The following GADL1 variants were observed in gnomAD, a reference collection of about 807,000 sequenced individuals.
GADL1 encodes acidic amino acid decarboxylase GADL1.
Under a neutral mutation model 69.5 loss-of-function variants are expected in GADL1, and 71 were observed. The observed-to-expected ratio is 1.02, with a 90% CI of 0.84 to 1.25. The LOEUF (loss-of-function observed/expected upper bound fraction) is 1.25. GADL1 is among the 50% of genes most tolerant of loss of function. GADL1 has a pLI of 0.00. For missense variants in GADL1, 737 were observed against 631.8 expected, an observed-to-expected ratio of 1.17 and a Z score of -1.79; for synonymous variants, 254 against 214.4, an observed-to-expected ratio of 1.18 and a Z score of -1.62.
intron 12 of GADL1, 48 bp from the exon 13 acceptor site, chr3:30,786,454 G>A: frequency 1.0e-6 from 1 of 974,980 alleles, no homozygotes; most frequent in Non-Finnish European, 1.7e-6. Context: ...ATGTAAAAGT[G>A]TCATGAACAT....
At chr3:30,839,183 A>G (rs932294309) in intron 8 of GADL1, 70 bp from the exon 9 acceptor site, 11 of 984,600 alleles carry the variant, frequency 1.1e-5, no homozygotes, top group African/African-American at 1.7e-5. Context: ...TAGCTGGAAA[A>G]TATAAAGGGT....
chr3:30,754,449 A>AT (rs2125480331), intron 14 of GADL1, among the ~76,000 whole-genome samples: 1 of 152,202 alleles, frequency 6.6e-6, no homozygotes, highest in East Asian at 1.9e-4. Flanking sequence ...GATATAGAAA[A>AT]AAGCCTCATA....
intron 11 of GADL1, 29 bp from the exon 12 acceptor site, chr3:30,801,117 T>G: frequency 6.5e-7 from 1 of 1,539,364 alleles, no homozygotes; most frequent in Non-Finnish European, 9.0e-7. Context: ...TACAAGACTG[T>G]TAAACTTTAG....
intron 12 of GADL1, among the ~76,000 whole-genome samples, chr3:30,793,510 C>T (rs1175237257): frequency 6.6e-6 from 1 of 152,102 alleles, no homozygotes; most frequent in East Asian, 1.9e-4. Context: ...GCAGTAATAA[C>T]TTCATGAAAC....
chr3:30,851,185 A>G (rs1461358407), intron 4 of GADL1, among the ~76,000 whole-genome samples: 1 of 151,882 alleles, frequency 6.6e-6, no homozygotes, highest in Non-Finnish European at 1.5e-5. Flanking sequence ...TTCGAGAAAA[A>G]CCTCAATTCC....
intron 1 of GADL1, among the ~76,000 whole-genome samples, chr3:30,882,719 T>C (rs1357886860): frequency 6.6e-6 from 1 of 151,998 alleles, no homozygotes; most frequent in Middle Eastern, 3.2e-3. Context: ...TATTTCTATT[T>C]TTTGATTTTT....
At chr3:30,883,084 T>C (rs1698662991) in intron 1 of GADL1, among the ~76,000 whole-genome samples, 1 of 152,006 alleles carries the variant, frequency 6.6e-6, no homozygotes, top group Non-Finnish European at 1.5e-5. Flanking sequence ...GAGAATATTT[T>C]CTCTCATCCC....
rs1192800226 is a variant in GADL1, at chr3:30,785,445, C to T, written c.1302+910G>A. 4.7e-5 allele frequency among the ~76,000 whole-genome samples: 7 copies of T among 149,488 alleles called. No homozygotes were observed. The South Asian group carries it at 8.5e-4, about 18-fold the overall frequency. On this transcript the variant is annotated intron_variant, in intron 13 of 14. Transcript: ENST00000282538. ...TGTTGCCCAGGCTGGAGTGCAATGG[C>T]GCGATAGCTCACCGCAACCACCGCC...
chr3:30,868,063 C>CTTG (rs1051197870), intron 1 of GADL1, among the ~76,000 whole-genome samples: 1 of 151,996 alleles, frequency 6.6e-6, no homozygotes, highest in Admixed American at 6.6e-5. Context: ...GACCTCCCAC[C>CTTG]TTGTCACTTT....
chr3:30,772,806 G>A (rs927316283), intron 14 of GADL1, among the ~76,000 whole-genome samples: 3 of 152,196 alleles, frequency 2.0e-5, no homozygotes, highest in African/African-American at 7.2e-5. Context: ...AACCCAGGAG[G>A]TGGAGGTTGC....
chr3:30,747,507 T>C (rs543754621), intron 14 of GADL1, among the ~76,000 whole-genome samples: 1 of 152,192 alleles, frequency 6.6e-6, no homozygotes, highest in African/African-American at 2.4e-5. Context: ...TAAATTCACA[T>C]CTACCCATAC....
chr3:30,728,214 C>A lies in GADL1; in HGVS notation c.*28G>T, dbSNP rs1485157701. On this transcript the variant is annotated 3_prime_UTR_variant, in exon 15 of 15. Coordinates refer to ENST00000282538, the MANE Select transcript of GADL1 (RefSeq NM_207359.3). ...GATCTAAACTCTCCCAGGATAGGAT[C>A]TATGCCTCTGGGGGACCAAAGCCAC... 1.3e-6 allele frequency: 2 copies of A among 1,598,314 alleles called. No individual in the cohort carries two copies. The highest frequency in any genetic ancestry group is 4.5e-5 in the East Asian group (2 of 44,710).
chr3:30,755,061 G>T (rs1015813376), intron 14 of GADL1, among the ~76,000 whole-genome samples: 3 of 152,102 alleles, frequency 2.0e-5, no homozygotes, highest in African/African-American at 7.2e-5. Context: ...ATATCCAGAG[G>T]ATTTAGCCTA....
chr3:30,784,271 C>CT (rs1696739602), intron 13 of GADL1, among the ~76,000 whole-genome samples: 1 of 152,194 alleles, frequency 6.6e-6, no homozygotes, highest in African/African-American at 2.4e-5. Flanking sequence ...CTTGTTCAAA[C>CT]TGGGATTTCA....
chr3:30,749,379 G>C (rs899837949), intron 14 of GADL1, among the ~76,000 whole-genome samples: 30 of 152,270 alleles, frequency 2.0e-4, no homozygotes, highest in African/African-American at 5.5e-4. Context: ...AAGAAAAGAA[G>C]ACTGGCCAGA....
intron 1 of GADL1, among the ~76,000 whole-genome samples, chr3:30,871,042 AGTGTGTGTGTGTGTGTGT>A (rs4016178): frequency 9.2e-5 from 13 of 141,378 alleles, no homozygotes; most frequent in Non-Finnish European, 1.4e-4. Flanking sequence ...AAGGCAGAAA[AGTGTGTGTGTGTGTGTGT>A]GTGTGTGTGT....
chr3:30,822,815 C>A (rs1490764429), intron 11 of GADL1, among the ~76,000 whole-genome samples: 2 of 151,982 alleles, frequency 1.3e-5, no homozygotes, highest in Non-Finnish European at 2.9e-5. Flanking sequence ...TTAATCATTA[C>A]ATAACTAAAT....
At chr3:30,772,630 A>AC (rs1166521472) in intron 14 of GADL1, among the ~76,000 whole-genome samples, 4 of 152,148 alleles carry the variant, frequency 2.6e-5, no homozygotes, top group African/African-American at 9.7e-5. Context: ...TAATCCAAGC[A>AC]CTTTGGGGGG....
Position 30,841,522 on chromosome 3 carries a change from C to T in GADL1, c.787-2409G>A, listed in dbSNP as rs531790470. Among the ~76,000 whole-genome samples the T allele has an allele frequency of 3.3e-5, 5 of 152,132 alleles. No individual in the cohort carries two copies. The South Asian group carries it at 1.0e-3, about 32-fold the overall frequency. On this transcript the variant is annotated intron_variant, in intron 8 of 14. Transcript: ENST00000282538. ...TTTAGGGGATGCTAGGCAACAAACT[C>T]ACTATTTTAAAAATTGATAAATAAG... is the stretch of plus-strand genomic sequence containing the variant.
Sources: allele counts gnomAD v4.1 joint callset (sites outside exome capture counted in the v4.1 genomes callset), GRCh38; gene constraint gnomAD v4.1.1; transcripts MANE v1.5; gene names NCBI Gene and HGNC (gene_info 2026-07-23, HGNC 2026-07-21).